The following CDKAL1 variants were observed in gnomAD, a reference collection of about 807,000 sequenced individuals.
CDKAL1 encodes CDKAL1 threonylcarbamoyladenosine tRNA methylthiotransferase, also known as threonylcarbamoyladenosine tRNA methylthiotransferase.
A neutral mutation model predicts 68.2 loss-of-function variants in CDKAL1; 32 were observed. The observed-to-expected ratio is 0.47, with a 90% CI of 0.35 to 0.63. The LOEUF (loss-of-function observed/expected upper bound fraction) is 0.63. CDKAL1 is among the 30% of genes least tolerant of loss of function. The pLI is 0.00. For missense variants in CDKAL1, 606 were observed against 696.7 expected, an observed-to-expected ratio of 0.87 and a Z score of 1.47; for synonymous variants, 234 against 244.3, an observed-to-expected ratio of 0.96 and a Z score of 0.39.
intron 11 of CDKAL1, among the ~76,000 whole-genome samples, chr6:21,007,180 T>C (rs772071863): frequency 6.6e-6 from 1 of 152,110 alleles, no homozygotes; most frequent in Non-Finnish European, 1.5e-5. Flanking sequence ...GGCTCATGCC[T>C]GTAATCCCAG....
intron 9 of CDKAL1, among the ~76,000 whole-genome samples, chr6:20,927,404 C>G (rs540793833): frequency 6.6e-6 from 1 of 152,228 alleles, no homozygotes; most frequent in African/African-American, 2.4e-5. Context: ...CTTCATGCTT[C>G]AGCACCTCCT....
intron 11 of CDKAL1, among the ~76,000 whole-genome samples, chr6:21,058,016 T>C (rs1213909456): frequency 1.3e-5 from 2 of 152,250 alleles, no homozygotes; most frequent in African/African-American, 4.8e-5. Flanking sequence ...GTTCTGTAGA[T>C]ATCCATCAGG....
At chr6:21,123,946 C>T (rs1203778067) in intron 13 of CDKAL1, among the ~76,000 whole-genome samples, 2 of 152,216 alleles carry the variant, frequency 1.3e-5, no homozygotes. Context: ...CAAACACTTC[C>T]GTCTTAGGAA....
intron 12 of CDKAL1, among the ~76,000 whole-genome samples, chr6:21,082,874 G>GTTTTTTTTT (rs71540612): frequency 1.5e-5 from 2 of 129,172 alleles, no homozygotes; most frequent in Non-Finnish European, 3.2e-5. Flanking sequence ...TGTTTCTTTT[G>GTTTTTTTTT]TTTTTTTTTT....
intron 9 of CDKAL1, among the ~76,000 whole-genome samples, chr6:20,925,700 A>G (rs1763153722): frequency 6.6e-6 from 1 of 152,144 alleles, no homozygotes; most frequent in African/African-American, 2.4e-5. Context: ...AAATATAGAA[A>G]TCTTCTTTTA....
intron 5 of CDKAL1, among the ~76,000 whole-genome samples, chr6:20,729,088 A>C (rs1315176971): frequency 6.6e-6 from 1 of 152,212 alleles, no homozygotes; most frequent in Non-Finnish European, 1.5e-5. Flanking sequence ...GATATTGTAG[A>C]AAATATTGAC....
rs1489514948 is a variant in CDKAL1 at position 20,843,295 on chromosome 6, AAT to A, written c.639-2777_639-2776del. Among the ~76,000 whole-genome samples, 9 of 151,882 alleles carry A rather than the reference AAT, an allele frequency of 5.9e-5. No individual in the cohort carries two copies. In the East Asian group the frequency reaches 7.7e-4, roughly 13 times the overall value. ...AATTCATTTATGTTATAAATTTTAA[AAT>A]ATGTTTCTTTTCTCTTTTTCTTCCC... On this transcript the variant is annotated intron_variant, in intron 8 of 15. Coordinates refer to ENST00000274695, the MANE Select transcript of CDKAL1 (RefSeq NM_017774.3).
chr6:20,969,584 T>A (rs9350308), intron 10 of CDKAL1, among the ~76,000 whole-genome samples: 45,547 of 152,130 alleles, frequency 0.3, 7,932 homozygotes, highest in East Asian at 0.45. Flanking sequence ...GTGTGACCAG[T>A]GAAATCTCTA....
At chr6:20,643,540 A>G (rs28360636) in intron 4 of CDKAL1, among the ~76,000 whole-genome samples, 35,110 of 152,080 alleles carry the variant, frequency 0.23, 4,407 homozygotes, top group African/African-American at 0.3. Context: ...TAGAAGCCCA[A>G]CAATGTGTGC....
chr6:20,938,153 A>G (rs1195787449), intron 9 of CDKAL1, among the ~76,000 whole-genome samples: 2 of 152,136 alleles, frequency 1.3e-5, no homozygotes, highest in African/African-American at 4.8e-5. Flanking sequence ...AAATTCTACT[A>G]CTGTCATTAT....
At chr6:21,143,228 C>G (rs1434913525) in intron 13 of CDKAL1, among the ~76,000 whole-genome samples, 1 of 152,180 alleles carries the variant, frequency 6.6e-6, no homozygotes, top group Non-Finnish European at 1.5e-5. Flanking sequence ...GCAGCAATAG[C>G]ATAAGTCAGT....
At chr6:21,080,105 T>C (rs1320970371) in intron 12 of CDKAL1, among the ~76,000 whole-genome samples, 1 of 151,668 alleles carries the variant, frequency 6.6e-6, no homozygotes. Context: ...GAATCCTTCT[T>C]AAATTGAGCA....
chr6:20,657,994 G>T (rs565777046), intron 5 of CDKAL1, among the ~76,000 whole-genome samples: 3 of 139,420 alleles, frequency 2.2e-5, no homozygotes, highest in Non-Finnish European at 4.6e-5. Flanking sequence ...AGACAATATG[G>T]CCTTTAACTT....
intron 9 of CDKAL1, among the ~76,000 whole-genome samples, chr6:20,860,156 C>A (rs1177558281): frequency 6.6e-6 from 1 of 152,146 alleles, no homozygotes; most frequent in Admixed American, 6.5e-5. Context: ...CAACTCACTG[C>A]AACCTTCGCC....
At chr6:20,673,310 G>T (rs1273304855) in intron 5 of CDKAL1, among the ~76,000 whole-genome samples, 2 of 152,150 alleles carry the variant, frequency 1.3e-5, no homozygotes, top group Non-Finnish European at 2.9e-5. Flanking sequence ...TTGCTCAAGT[G>T]CCTGATATTA....
chr6:20,813,826 G>T (rs1776924692), intron 8 of CDKAL1, among the ~76,000 whole-genome samples: 1 of 152,142 alleles, frequency 6.6e-6, no homozygotes, highest in Non-Finnish European at 1.5e-5. Context: ...GTTTCACACG[G>T]AGTTGATAAG....
At chr6:21,146,710 G>C (rs1279675388) in intron 13 of CDKAL1, among the ~76,000 whole-genome samples, 1 of 151,984 alleles carries the variant, frequency 6.6e-6, no homozygotes, top group Non-Finnish European at 1.5e-5. Context: ...AATCAGCTGG[G>C]CGTGGTGGTG....
intron 9 of CDKAL1, among the ~76,000 whole-genome samples, chr6:20,953,201 T>C (rs189412107): frequency 7.0e-4 from 107 of 152,322 alleles, no homozygotes; most frequent in African/African-American, 2.1e-3. Context: ...GTGATTTAAT[T>C]TGAGGTTTCA....
At chr6:21,178,633 C>T (rs1777676146) in intron 13 of CDKAL1, among the ~76,000 whole-genome samples, 1 of 152,116 alleles carries the variant, frequency 6.6e-6, no homozygotes, top group South Asian at 2.1e-4. Context: ...TGAAAATGAT[C>T]CCCCCACAAA....
Sources: allele counts gnomAD v4.1 joint callset (sites outside exome capture counted in the v4.1 genomes callset), GRCh38; gene constraint gnomAD v4.1.1; transcripts MANE v1.5; gene names NCBI Gene and HGNC (gene_info 2026-07-23, HGNC 2026-07-21).